Variants in BBS9 observed in about 807,000 individuals in gnomAD.
BBS9 encodes the protein protein PTHB1.
Under a neutral mutation model 117.7 loss-of-function variants are expected in BBS9, and 89 were observed. The ratio of observed to expected loss-of-function variants is 0.76; its 90% CI spans 0.64 to 0.90. BBS9 has a LOEUF of 0.90. Among genes scored for constraint, BBS9 ranks in the 40% least tolerant of loss-of-function variants. The pLI is 0.00. For synonymous variants in BBS9, 379 were observed against 370.9 expected (o/e 1.02, Z -0.25); for missense variants, 982 against 1,042.2 (o/e 0.94, Z 0.80).
intron 5 of BBS9, among the ~76,000 whole-genome samples, chr7:33,183,997 G>A (rs958050329): frequency 3.3e-5 from 5 of 152,094 alleles, no homozygotes; most frequent in Non-Finnish European, 7.4e-5. Flanking sequence ...GTTCCCCAGA[G>A]TTGCTATAGC....
chr7:33,258,110 C>A (rs1207433625), intron 6 of BBS9, among the ~76,000 whole-genome samples: 2 of 151,998 alleles, frequency 1.3e-5, no homozygotes, highest in African/African-American at 4.8e-5. Flanking sequence ...TTTTTATTGG[C>A]AGAGAGAATG....
chr7:33,248,929 A>G (rs191328769), intron 5 of BBS9, among the ~76,000 whole-genome samples: 1 of 152,296 alleles, frequency 6.6e-6, no homozygotes, highest in Non-Finnish European at 1.5e-5. Context: ...GCTGAACTGC[A>G]TATATGCTTG....
chr7:33,478,280 G>C (rs1441426162), intron 19 of BBS9, among the ~76,000 whole-genome samples: 1 of 152,080 alleles, frequency 6.6e-6, no homozygotes, highest in Non-Finnish European at 1.5e-5. Context: ...CAGTTTCAAG[G>C]GGTTTACCAA....
chr7:33,634,548 G>T (rs1180820497), intron 21 of BBS9, among the ~76,000 whole-genome samples: 1 of 152,166 alleles, frequency 6.6e-6, no homozygotes. Flanking sequence ...CCTTTCCACA[G>T]GCACCCTGTC....
At chr7:33,143,292 C>T (rs1163240205) in intron 1 of BBS9, among the ~76,000 whole-genome samples, 2 of 152,084 alleles carry the variant, frequency 1.3e-5, no homozygotes, top group Admixed American at 6.6e-5. Context: ...TTTGTGGGAC[C>T]TACCCACTGT....
intron 5 of BBS9, among the ~76,000 whole-genome samples, chr7:33,223,721 AAAG>A (rs1289231660): frequency 2.0e-5 from 3 of 152,090 alleles, no homozygotes; most frequent in African/African-American, 7.2e-5. Flanking sequence ...ACTTGAGATC[AAAG>A]AAGACTTCCT....
intron 5 of BBS9, among the ~76,000 whole-genome samples, chr7:33,234,699 CCACACACA>C (rs58160238): frequency 0.048 from 7,139 of 149,864 alleles, 234 homozygotes; most frequent in East Asian, 0.17. Context: ...CTCCATCTAT[CCACACACA>C]CACACACACA....
intron 19 of BBS9, among the ~76,000 whole-genome samples, chr7:33,402,813 C>G (rs1417570530): frequency 6.6e-6 from 1 of 152,100 alleles, no homozygotes; most frequent in South Asian, 2.1e-4. Context: ...AGCATAGTAC[C>G]CGAGAGGTAG....
intron 19 of BBS9, 30 bp from the exon 20 acceptor site, chr7:33,505,433 A>G (rs747247096): frequency 6.2e-7 from 1 of 1,611,782 alleles, no homozygotes; most frequent in African/African-American, 1.3e-5. Flanking sequence ...TTGTGAAATT[A>G]TCCCTAACCG....
At chr7:33,404,473 T>C (rs1829555638) in intron 19 of BBS9, among the ~76,000 whole-genome samples, 1 of 152,162 alleles carries the variant, frequency 6.6e-6, no homozygotes, top group South Asian at 2.1e-4. Flanking sequence ...TTCCTACCCA[T>C]GAGCATGGAA....
intron 21 of BBS9, among the ~76,000 whole-genome samples, chr7:33,612,902 T>C (rs939297625): frequency 6.6e-6 from 1 of 152,118 alleles, no homozygotes; most frequent in Non-Finnish European, 1.5e-5. Flanking sequence ...GAAAAGGTGC[T>C]TTCTGATCTG....
chr7:33,401,383 C>T (rs1266568404), intron 19 of BBS9, among the ~76,000 whole-genome samples: 1 of 152,150 alleles, frequency 6.6e-6, no homozygotes, highest in East Asian at 1.9e-4. Flanking sequence ...GAGATTTATT[C>T]TGAGCCAAGT....
chr7:33,597,112 C>CACACACAG (rs1034410716), intron 21 of BBS9, among the ~76,000 whole-genome samples: 12 of 139,854 alleles, frequency 8.6e-5, no homozygotes, highest in African/African-American at 3.4e-4. Flanking sequence ...CACACACACA[C>CACACACAG]AGTAAAATTT....
At chr7:33,382,467 A>T (rs1311305638) in intron 17 of BBS9, among the ~76,000 whole-genome samples, 1 of 152,050 alleles carries the variant, frequency 6.6e-6, no homozygotes, top group Non-Finnish European at 1.5e-5. Context: ...CTCAAAAAAA[A>T]AAAAAAAAAA....
chr7:33,516,665 T>C (rs994449583), intron 20 of BBS9, among the ~76,000 whole-genome samples: 1 of 152,166 alleles, frequency 6.6e-6, no homozygotes, highest in Non-Finnish European at 1.5e-5. Context: ...TAGGTGTTTT[T>C]GACTAGAAGC....
At chr7:33,263,330 C>G (rs1278131541) in intron 6 of BBS9, among the ~76,000 whole-genome samples, 1 of 152,050 alleles carries the variant, frequency 6.6e-6, no homozygotes, top group Non-Finnish European at 1.5e-5. Flanking sequence ...ATTCAGGTCC[C>G]TGATTTTTAC....
chr7:33,497,299 C>A (rs1461395414), intron 19 of BBS9, among the ~76,000 whole-genome samples: 1 of 152,074 alleles, frequency 6.6e-6, no homozygotes, highest in Non-Finnish European at 1.5e-5. Context: ...TTCAGTGTGT[C>A]CAGGATTTAA....
Position 33,535,967 on chromosome 7 carries a change from A to G in BBS9, c.2521+1791A>G, listed in dbSNP as rs552381844. On this transcript the variant is annotated intron_variant, in intron 21 of 22. Coordinates refer to ENST00000242067, the MANE Select transcript of BBS9 (RefSeq NM_198428.3). ...CCCTGTCTTAGTCGTTTTTGTTTAA[A>G]TAACTAGATTTGTAAGTAACCTAAG... 1.4e-4 allele frequency among the ~76,000 whole-genome samples: 22 copies of G among 152,204 alleles called. No individual in the cohort carries two copies. In the East Asian group the frequency reaches 4.2e-3, roughly 29 times the overall value.
intron 5 of BBS9, among the ~76,000 whole-genome samples, chr7:33,216,293 T>C (rs1260113604): frequency 2.0e-5 from 3 of 152,258 alleles, no homozygotes; most frequent in African/African-American, 7.2e-5. Context: ...CTTCCATTAG[T>C]AGCAGAAATT....
Sources: allele counts gnomAD v4.1 joint callset (sites outside exome capture counted in the v4.1 genomes callset), GRCh38; gene constraint gnomAD v4.1.1; transcripts MANE v1.5; gene names NCBI Gene and HGNC (gene_info 2026-07-23, HGNC 2026-07-21).